Variants in SGCZ observed in about 807,000 individuals in gnomAD.
SGCZ encodes the protein sarcoglycan zeta, also known as zeta-sarcoglycan.
A neutral mutation model predicts 41.3 loss-of-function variants in SGCZ; 40 were observed. The ratio of observed to expected loss-of-function variants is 0.97; its 90% CI spans 0.75 to 1.26. The LOEUF (loss-of-function observed/expected upper bound fraction) is 1.26. Among genes scored for constraint, SGCZ ranks in the 50% most tolerant of loss-of-function variants. The pLI is 0.00. For missense variants in SGCZ, 552 were observed against 369.8 expected (o/e 1.49, Z -4.04); for synonymous variants, 206 against 137.5 (o/e 1.50, Z -3.49).
chr8:14,737,193 G>A (rs1244091647), intron 1 of SGCZ, among the ~76,000 whole-genome samples: 1 of 149,186 alleles, frequency 6.7e-6, no homozygotes, highest in East Asian at 2.0e-4. Flanking sequence ...ATATATATAT[G>A]TATGATGGGA....
At chr8:14,858,841 C>G (rs1035623310) in intron 1 of SGCZ, among the ~76,000 whole-genome samples, 1 of 152,042 alleles carries the variant, frequency 6.6e-6, no homozygotes, top group Non-Finnish European at 1.5e-5. Flanking sequence ...TAACAAAAAA[C>G]GAGTTTTATA....
intron 1 of SGCZ, among the ~76,000 whole-genome samples, chr8:15,071,780 A>C (rs1805358480): frequency 6.6e-6 from 1 of 151,936 alleles, no homozygotes; most frequent in Non-Finnish European, 1.5e-5. Flanking sequence ...GACCTGAGTG[A>C]CTCTTCCCAC....
intron 3 of SGCZ, among the ~76,000 whole-genome samples, chr8:14,284,767 G>A (rs777291811): frequency 6.6e-6 from 1 of 151,684 alleles, no homozygotes. Flanking sequence ...GTGCATATTT[G>A]GTCCTAAGTT....
intron 1 of SGCZ, among the ~76,000 whole-genome samples, chr8:14,999,369 T>A (rs2130907894): frequency 6.6e-6 from 1 of 152,234 alleles, no homozygotes; most frequent in Middle Eastern, 3.4e-3. Context: ...CCAGGATAGT[T>A]CCAAAGAATA....
intron 1 of SGCZ, among the ~76,000 whole-genome samples, chr8:15,177,148 C>T (rs1031320671): frequency 3.3e-5 from 5 of 152,218 alleles, no homozygotes; most frequent in African/African-American, 9.6e-5. Flanking sequence ...TCTTGAAAAA[C>T]ATTAAATAAA....
chr8:14,800,802 G>T (rs1169271957), intron 1 of SGCZ, among the ~76,000 whole-genome samples: 1 of 152,026 alleles, frequency 6.6e-6, no homozygotes, highest in Admixed American at 6.6e-5. Context: ...TTATAGCAAT[G>T]TAAGAACAGA....
chr8:14,139,620 C>A (rs766358783), intron 5 of SGCZ, among the ~76,000 whole-genome samples: 2 of 151,898 alleles, frequency 1.3e-5, no homozygotes, highest in East Asian at 3.9e-4. Context: ...ACACATACAC[C>A]CTCGCAAGAC....
chr8:14,793,985 G>A (rs1801042029), intron 1 of SGCZ, among the ~76,000 whole-genome samples: 1 of 151,988 alleles, frequency 6.6e-6, no homozygotes, highest in African/African-American at 2.4e-5. Flanking sequence ...TCCAAAAGAA[G>A]AAACCAAAAA....
chr8:14,447,993 T>C (rs1249161632), intron 2 of SGCZ, among the ~76,000 whole-genome samples: 1 of 152,184 alleles, frequency 6.6e-6, no homozygotes, highest in African/African-American at 2.4e-5. Flanking sequence ...TAGTGGTGAA[T>C]TTCCTTTCTG....
intron 1 of SGCZ, among the ~76,000 whole-genome samples, chr8:15,041,892 T>G (rs183371246): frequency 2.0e-5 from 3 of 152,188 alleles, no homozygotes; most frequent in African/African-American, 2.4e-5. Context: ...TGTTGATTTT[T>G]AGGTCTGGTC....
intron 1 of SGCZ, among the ~76,000 whole-genome samples, chr8:15,031,891 C>A (rs1323670584): frequency 7.2e-6 from 1 of 138,104 alleles, no homozygotes; most frequent in African/African-American, 2.7e-5. Flanking sequence ...ATATTCTATA[C>A]CCTCTATATT....
At chr8:14,495,740 G>A (rs1801968682) in intron 2 of SGCZ, among the ~76,000 whole-genome samples, 1 of 152,004 alleles carries the variant, frequency 6.6e-6, no homozygotes, top group Non-Finnish European at 1.5e-5. Context: ...GTTACCAAAG[G>A]TAATTGCTCC....
chr8:15,061,430 T>C (rs1251777616), intron 1 of SGCZ, among the ~76,000 whole-genome samples: 1 of 151,250 alleles, frequency 6.6e-6, no homozygotes, highest in African/African-American at 2.4e-5. Flanking sequence ...ATACCTAATG[T>C]ACATGAGGGA....
chr8:14,301,684 C>G (rs1563244978), intron 3 of SGCZ, among the ~76,000 whole-genome samples: 1 of 151,954 alleles, frequency 6.6e-6, no homozygotes, highest in Non-Finnish European at 1.5e-5. Context: ...TGGCCCAAAC[C>G]CATTTGACAA....
chr8:14,408,966 T>TGTGTGCGCGTGTGC (rs1554513907), intron 2 of SGCZ, among the ~76,000 whole-genome samples: 4,678 of 136,810 alleles, frequency 0.034, 94 homozygotes, highest in Middle Eastern at 0.056. Context: ...TGTGTGTGTG[T>TGTGTGCGCGTGTGC]GTGTGCATGT....
At chr8:14,474,468 G>C (rs1801302296) in intron 2 of SGCZ, among the ~76,000 whole-genome samples, 1 of 152,114 alleles carries the variant, frequency 6.6e-6, no homozygotes, top group East Asian at 1.9e-4. Flanking sequence ...AAACCTATTT[G>C]ATTAGTATCA....
intron 1 of SGCZ, among the ~76,000 whole-genome samples, chr8:14,658,283 C>A (rs912622493): frequency 6.6e-6 from 1 of 152,176 alleles, no homozygotes; most frequent in African/African-American, 2.4e-5. Flanking sequence ...GTGTCTACTT[C>A]TTACCTTACT....
At chr8:15,181,522 G>A (rs1052385453) in intron 1 of SGCZ, among the ~76,000 whole-genome samples, 1 of 152,120 alleles carries the variant, frequency 6.6e-6, no homozygotes, top group African/African-American at 2.4e-5. Flanking sequence ...TTTGTTCTGT[G>A]TGATGATATT....
intron 3 of SGCZ, among the ~76,000 whole-genome samples, chr8:14,238,174 T>G (rs970268558): frequency 6.6e-6 from 1 of 152,254 alleles, no homozygotes; most frequent in Non-Finnish European, 1.5e-5. Flanking sequence ...AAAGCACTTA[T>G]CACAAAGCAA....
Sources: gnomAD v4.1 joint callset for allele counts (sites outside exome capture counted in the v4.1 genomes callset) on GRCh38, gnomAD v4.1.1 for gene constraint, MANE v1.5 for transcripts, NCBI Gene and HGNC (gene_info 2026-07-23, HGNC 2026-07-21) for gene names.